The following MCCC1 variants were observed in gnomAD, a reference collection of about 807,000 sequenced individuals.
MCCC1 encodes methylcrotonyl-CoA carboxylase subunit 1.
A neutral mutation model predicts 83.8 loss-of-function variants in MCCC1; 64 were observed. The observed-to-expected ratio is 0.76, with a 90% CI of 0.62 to 0.94. The LOEUF (loss-of-function observed/expected upper bound fraction) is 0.94, where lower values mean the gene tolerates loss of function less well. Ranked by LOEUF, MCCC1 falls within the 40% of genes least tolerant of loss-of-function variation. The probability of loss-of-function intolerance (pLI) is 0.00; values close to 1 mark genes in which losing one functional copy is unlikely to be tolerated. For missense variants in MCCC1, 807 were observed against 904.7 expected (o/e 0.89, Z 1.39); for synonymous variants, 322 against 315.4 (o/e 1.02, Z -0.22).
At chr3:183,060,890 A>G (rs1006109691) in intron 7 of MCCC1, among the ~76,000 whole-genome samples, 1 of 152,182 alleles carries the variant, frequency 6.6e-6, no homozygotes, top group African/African-American at 2.4e-5. Context: ...CCATGTCCCT[A>G]CAAAGGACAT....
chr3:183,068,860 T>C (rs1413845878), intron 7 of MCCC1, among the ~76,000 whole-genome samples: 1 of 152,240 alleles, frequency 6.6e-6, no homozygotes, highest in East Asian at 1.9e-4. Flanking sequence ...TACAGGTTTG[T>C]AGCTCAGGAG....
chr3:183,065,150 A>T (rs1042826739), intron 7 of MCCC1, among the ~76,000 whole-genome samples: 1 of 152,166 alleles, frequency 6.6e-6, no homozygotes, highest in Non-Finnish European at 1.5e-5. Context: ...AGAACACCAT[A>T]AGCCCACTGT....
chr3:183,080,588 G>A (rs1489787134), intron 4 of MCCC1, among the ~76,000 whole-genome samples: 3 of 152,140 alleles, frequency 2.0e-5, no homozygotes, highest in Non-Finnish European at 4.4e-5. Context: ...CTTCTTCTGA[G>A]CCCTCCAAAC....
chr3:183,106,477 T>C (rs576417198), intron 1 of MCCC1, among the ~76,000 whole-genome samples: 68 of 136,004 alleles, frequency 5.0e-4, no homozygotes, highest in African/African-American at 1.7e-3. Context: ...AATGTTTCTT[T>C]GTTCTTTTCT....
At chr3:183,099,630 T>C (rs1324811391), upstream of MCCC1, 11 of 690,316 alleles carry the variant, frequency 1.6e-5, no homozygotes, top group Non-Finnish European at 2.7e-5. Context: ...AGAGCCCGGC[T>C]TCAGTAGCGA....
Position 183,086,706 on chromosome 3 carries a change from G to T in MCCC1, c.356C>A (p.Thr119Asn), listed in dbSNP as rs372273591. Residue 119 changes from threonine (T) to asparagine (N), a missense_variant, in exon 4 of 19, where the codon ACC (threonine) becomes AAC (asparagine). Physicochemically the swap from Thr to Asn is moderately conservative, Grantham distance 65. Transcript: ENST00000265594. ...CACAACCCTCACCTGTGCAGCAGAGGTCTTGGCCACTTGAATGATTTTCTC... is the reference window on the plus strand; with the variant it reads ...CACAACCCTCACCTGTGCAGCAGAGTTCTTGGCCACTTGAATGATTTTCTC... ...SMEKIIQVAK[T>N]SAAQAIHPGC... is the part of the protein sequence containing the mutation. 1 of 1,614,032 alleles carries T rather than the reference G, an allele frequency of 6.2e-7. No homozygotes were observed. The highest frequency in any genetic ancestry group is 8.5e-7 in the Non-Finnish European group (1 of 1,180,010).
chr3:183,027,663 A>G (rs1712719705), intron 14 of MCCC1, among the ~76,000 whole-genome samples: 2 of 152,188 alleles, frequency 1.3e-5, no homozygotes, highest in South Asian at 4.1e-4. Context: ...AATAATAATG[A>G]TAATAATAAA....
At position 183,037,348 on chromosome 3, in the gene MCCC1, G is replaced by A; in HGVS notation, c.1464C>T (p.Phe488=). Residue 488 remains phenylalanine, a synonymous_variant, in exon 13 of 19, where the codon TTC becomes TTT. Transcript: ENST00000265594. ...EFEAGNVHTD[F]IPQHHKQLLL... is the part of the protein sequence containing the mutation. The stretch of plus-strand genomic sequence containing the variant: ...ACAACTGTTTGTGGTGTTGAGGGAT[G>A]AAATCAGTGTGCACGTTCCCAGCTT... The A allele has an allele frequency of 6.2e-7, 1 of 1,614,132 alleles. No homozygotes were observed. The highest frequency in any genetic ancestry group is 8.5e-7 in the Non-Finnish European group (1 of 1,180,034).
At chr3:183,070,899 A>G in intron 7 of MCCC1, 100 bp downstream of exon 7, 2 of 1,325,036 alleles carry the variant, frequency 1.5e-6, no homozygotes, top group Non-Finnish European at 2.1e-6. Flanking sequence ...GTAATAATAT[A>G]CTTATATACT....
rs1454681753 is a variant in MCCC1 at position 183,019,583 on chromosome 3, T to C, written c.1977+547A>G. Among the ~76,000 whole-genome samples the C allele has an allele frequency of 2.0e-5, 3 of 152,200 alleles. No homozygotes were observed. In the East Asian group the frequency reaches 5.8e-4, roughly 29 times the overall value. Reference sequence around the variant, plus strand: ...ATGGATTTCCCAGCCTCTAGAATCGTGAGAAATAAATTTCTATTGTTTAAA... The same window carrying C: ...ATGGATTTCCCAGCCTCTAGAATCGCGAGAAATAAATTTCTATTGTTTAAA... On this transcript the variant is annotated intron_variant, in intron 17 of 18. Coordinates refer to ENST00000265594, the MANE Select transcript of MCCC1 (RefSeq NM_020166.5).
intron 3 of MCCC1, among the ~76,000 whole-genome samples, chr3:183,091,874 T>C (rs933805835): frequency 1.3e-5 from 2 of 152,146 alleles, no homozygotes; most frequent in Non-Finnish European, 2.9e-5. Context: ...CTGTCTCTAC[T>C]AAAAATACAA....
At chr3:183,065,947 T>C (rs966031705) in intron 7 of MCCC1, among the ~76,000 whole-genome samples, 1 of 152,222 alleles carries the variant, frequency 6.6e-6, no homozygotes, top group African/African-American at 2.4e-5. Flanking sequence ...TATAAGGTTT[T>C]ATTGAAAATT....
At chr3:183,103,892 C>T (rs1379578480), upstream of MCCC1, among the ~76,000 whole-genome samples, 2 of 152,304 alleles carry the variant, frequency 1.3e-5, no homozygotes, top group East Asian at 3.9e-4. Context: ...CCCTGCCCCG[C>T]GGGGAGGCAG....
chr3:183,092,523 G>A lies in MCCC1; in HGVS notation c.159C>T (p.Leu53=), dbSNP rs771244346. 6.2e-7 allele frequency: 1 copy of A among 1,614,160 alleles called. No homozygotes were observed. The highest frequency in any genetic ancestry group is 8.5e-7 in the Non-Finnish European group (1 of 1,180,028). Residue 53 remains leucine (L), a synonymous_variant, in exon 3 of 19, where the codon CTC becomes CTT. Coordinates refer to ENST00000265594, the MANE Select transcript of MCCC1 (RefSeq NM_020166.5). ...AGGCAATTTCTCCTCTGTTTGCAAT[G>A]AGGACCTTGGTAATGTTTCTTCCTG... The part of the protein sequence containing the change: ...TATGRNITKV[L]IANRGEIACR...
intron 1 of MCCC1, 146 bp downstream of exon 1, chr3:183,099,206 G>A (rs1560288728): frequency 5.6e-6 from 5 of 886,596 alleles, no homozygotes; most frequent in Admixed American, 2.2e-5. Flanking sequence ...CGTGACTGCC[G>A]GCAGAACCCC....
chr3:183,045,473 T>C lies in MCCC1; in HGVS notation c.1023A>G (p.Gln341=), dbSNP rs773895702. ...TCATCTCAGTAACAGGATGTTCCAC[T>C]TGCAGCCTTGTATTCATCTCCATGA... ...FCFMEMNTRL[Q]VEHPVTEMIT... The change falls in exon 10 of 19, where the codon CAA becomes CAG. Residue 341 remains glutamine, a synonymous_variant. Coordinates refer to ENST00000265594, the MANE Select transcript of MCCC1 (RefSeq NM_020166.5). 1.3e-5 allele frequency: 21 copies of C among 1,614,074 alleles called. No homozygotes were observed. The highest frequency in any genetic ancestry group is 3.3e-4 in the Middle Eastern group (2 of 6,084).
At chr3:183,070,055 C>A (rs1469220351) in intron 7 of MCCC1, among the ~76,000 whole-genome samples, 1 of 152,124 alleles carries the variant, frequency 6.6e-6, no homozygotes, top group Non-Finnish European at 1.5e-5. Context: ...ACAGTACTTA[C>A]CTAATGAGGT....
At chr3:183,099,668 T>G, upstream of MCCC1, 1 of 610,052 alleles carries the variant, frequency 1.6e-6, no homozygotes, top group East Asian at 2.8e-5. Context: ...CACGTGCTCG[T>G]GGGGGTGTGG....
intron 4 of MCCC1, among the ~76,000 whole-genome samples, chr3:183,081,936 C>G (rs571442238): frequency 6.6e-6 from 1 of 152,244 alleles, no homozygotes; most frequent in East Asian, 1.9e-4. Flanking sequence ...ACCCTGAAGG[C>G]AAGGGAGAGC....
Sources: gnomAD v4.1 joint callset for allele counts (sites outside exome capture counted in the v4.1 genomes callset) on GRCh38, gnomAD v4.1.1 for gene constraint, MANE v1.5 for transcripts, NCBI Gene and HGNC (gene_info 2026-07-23, HGNC 2026-07-21) for gene names.